IKBKB: variants seen among roughly 807,000 people sequenced by gnomAD.
The protein encoded by IKBKB is inhibitor of nuclear factor kappa B kinase subunit beta, also known as inhibitor of nuclear factor kappa-B kinase subunit beta.
A neutral mutation model predicts 113.6 loss-of-function variants in IKBKB; 42 were observed. The ratio of observed to expected loss-of-function variants is 0.37; its 90% CI spans 0.29 to 0.48. The LOEUF (loss-of-function observed/expected upper bound fraction) is 0.48. Ranked by LOEUF, IKBKB falls within the 20% of genes least tolerant of loss-of-function variation. The pLI is 0.99. For missense variants in IKBKB, 673 were observed against 939.7 expected (o/e 0.72, Z 3.71); for synonymous variants, 296 against 361.3 (o/e 0.82, Z 2.05).
chr8:42,287,373 C>G (rs942146624), intron 2 of IKBKB, among the ~76,000 whole-genome samples: 2 of 152,276 alleles, frequency 1.3e-5, no homozygotes, highest in African/African-American at 4.8e-5. Context: ...GCCTGTTACT[C>G]TGCAGAAAGT....
At chr8:42,271,887 G>A in intron 1 of IKBKB, 196 bp from the exon 2 acceptor site, 1 of 601,390 alleles carries the variant, frequency 1.7e-6, no homozygotes, top group Non-Finnish European at 2.8e-6. Flanking sequence ...ACCGGATGGG[G>A]GAGGGTGAGA....
intron 8 of IKBKB, among the ~76,000 whole-genome samples, chr8:42,312,431 A>G (rs1817893847): frequency 6.6e-6 from 1 of 152,228 alleles, no homozygotes; most frequent in African/African-American, 2.4e-5. Flanking sequence ...TCTGAAACCC[A>G]ATAAGGAGCT....
At chr8:42,286,050 A>T (rs980475345) in intron 2 of IKBKB, among the ~76,000 whole-genome samples, 1 of 152,130 alleles carries the variant, frequency 6.6e-6, no homozygotes, top group African/African-American at 2.4e-5. Context: ...ATTTAATTGG[A>T]TGAATTGTAT....
chr8:42,283,346 T>A (rs1423305018), intron 2 of IKBKB, among the ~76,000 whole-genome samples: 1 of 152,148 alleles, frequency 6.6e-6, no homozygotes, highest in Non-Finnish European at 1.5e-5. Flanking sequence ...CCTGAACCTA[T>A]GACTGGGTGG....
At chr8:42,289,636 G>A (rs541692478) in intron 3 of IKBKB, among the ~76,000 whole-genome samples, 17 of 152,198 alleles carry the variant, frequency 1.1e-4, no homozygotes, top group Non-Finnish European at 2.2e-4. Context: ...CTCTTAAAAA[G>A]AGGAGGTGCT....
At chr8:42,325,720 A>G (rs1218557352) in intron 19 of IKBKB, 2 of 1,267,244 alleles carry the variant, frequency 1.6e-6, no homozygotes, top group East Asian at 4.0e-5. Flanking sequence ...AAGCCTGCAA[A>G]TTAATGTAGG....
At chr8:42,303,679 G>C (rs930594131) in intron 5 of IKBKB, among the ~76,000 whole-genome samples, 1 of 151,954 alleles carries the variant, frequency 6.6e-6, no homozygotes, top group African/African-American at 2.4e-5. Context: ...TAATTTTTTT[G>C]TATTTTTAGT....
intron 2 of IKBKB, among the ~76,000 whole-genome samples, chr8:42,275,745 C>T (rs530672804): frequency 1.5e-4 from 23 of 152,282 alleles, no homozygotes; most frequent in South Asian, 4.1e-4. Flanking sequence ...CTGCAGTAAA[C>T]GTGAGGGTGC....
In IKBKB at chr8:42,331,727, C is replaced by G. The variant is rs971639392; in HGVS notation, c.*748C>G. On this transcript the variant is annotated 3_prime_UTR_variant, in exon 22 of 22. Transcript: ENST00000520810. ...AGGATGGGAGAGCAGCTGCCTTATT[C>G]TGAATCCCAAAAATTACTTGGGGGT... is the stretch of plus-strand genomic sequence containing the variant. 2.6e-6 allele frequency: 1 copy of G among 384,784 alleles called. No homozygotes were observed. The highest frequency in any genetic ancestry group is 4.8e-6 in the Non-Finnish European group (1 of 206,988). 23.8% of individuals were successfully genotyped at this position (384,784 alleles called of 1,614,324 possible).
intron 21 of IKBKB, chr8:42,329,415 C>T (rs192597172): frequency 2.1e-5 from 20 of 963,726 alleles, no homozygotes; most frequent in Admixed American, 5.3e-5. Flanking sequence ...CTCCGCTTCC[C>T]GGGTTCAAGT....
rs1821379444 is a variant in IKBKB, at chr8:42,329,360, T to A, written c.2205+146T>A. The A allele has an allele frequency of 4.8e-6, 6 of 1,246,378 alleles. No homozygotes were observed. The South Asian group carries it at 9.1e-5, about 19-fold the overall frequency. 77.2% of individuals were successfully genotyped at this position (1,246,378 alleles called of 1,614,324 possible). A position where few individuals can be genotyped will look rare whatever the true frequency, so the allele number is the denominator to read the frequency against. Reference sequence around the variant, plus strand: ...TTATTTGTGACAGGGTCTCTCTCTCTCACCCAGGCTGGAGTGCAGTGGCAT... The same window carrying A: ...TTATTTGTGACAGGGTCTCTCTCTCACACCCAGGCTGGAGTGCAGTGGCAT... On this transcript the variant is annotated intron_variant, in intron 21 of 21. Coordinates refer to ENST00000520810, the MANE Select transcript of IKBKB (RefSeq NM_001556.3).
Position 42,322,354 on chromosome 8 carries a change from G to A in IKBKB, c.1846G>A (p.Val616Met), listed in dbSNP as rs1430358424. ...CATGTTTATTCTTTGCAGTAAAACT[G>A]TGGTTTGCAAGCAGAAGGCGCTGGA... ...RVIYTQLSKTVVCKQKALELL... is the reference protein window; with the variant it reads ...RVIYTQLSKTMVCKQKALELL... The change falls in exon 19 of 22, where the codon GTG (valine) becomes ATG (methionine). Residue 616 changes from valine (V) to methionine (M), a missense_variant. Around this residue, in one of 2 missense-constraint regions of IKBKB, gnomAD observed 506 missense variants for 638.7 expected, o/e 0.79. Transcript: ENST00000520810. 1.9e-6 allele frequency: 3 copies of A among 1,613,650 alleles called. No homozygotes were observed. The African/African-American group carries it at 4.0e-5, about 22-fold the overall frequency.
Position 42,314,413 on chromosome 8 carries a change from C to G in IKBKB, c.784C>G (p.Pro262Ala). ...GAAGTTTTCAAGCTCTTTACCCTAC[C>G]CCAATAATCTTAACAGGTAAGGCAC... ...TVKFSSSLPY[P>A]NNLNSVLAER... The change falls in exon 9 of 22, where the codon CCC (proline) becomes GCC (alanine). Residue 262 changes from proline to alanine, a missense_variant. By Grantham distance (27) the Pro-to-Ala change is conservative. Coordinates refer to ENST00000520810, the MANE Select transcript of IKBKB (RefSeq NM_001556.3). 1 of 1,604,128 alleles carries G rather than the reference C, an allele frequency of 6.2e-7. No individual in the cohort carries two copies. The highest frequency in any genetic ancestry group is 8.5e-7 in the Non-Finnish European group (1 of 1,170,950).
intron 1 of IKBKB, 188 bp from the exon 2 acceptor site, chr8:42,271,895 A>G (rs1807833136): frequency 1.6e-6 from 1 of 628,262 alleles, no homozygotes. Flanking sequence ...GGGGAGGGTG[A>G]GAGGGACAAA....
At chr8:42,272,514 C>T in intron 2 of IKBKB, 1 of 417,616 alleles carries the variant, frequency 2.4e-6, no homozygotes, top group East Asian at 3.5e-5. Flanking sequence ...TGTTATAAAA[C>T]ATATAGAAAT....
Position 42,331,805 on chromosome 8 carries a change from A to C in IKBKB, c.*826A>C. The C allele has an allele frequency of 7.3e-6, 2 of 274,162 alleles. No individual in the cohort carries two copies. Among genetic ancestry groups the C allele is most frequent in the South Asian group, 8.0e-5 (2 of 24,880 alleles). The allele number at this position is 274,162 out of a possible 1,614,324, so 17.0% of individuals were successfully genotyped here. ...GTATCTGCTGACCACCAGCCTGCCTACCCATGCCCATGTCTCCATTCCTGC... is the reference window on the plus strand; with the variant it reads ...GTATCTGCTGACCACCAGCCTGCCTCCCCATGCCCATGTCTCCATTCCTGC... On this transcript the variant is annotated 3_prime_UTR_variant, in exon 22 of 22. Coordinates refer to ENST00000520810, the MANE Select transcript of IKBKB (RefSeq NM_001556.3).
intron 4 of IKBKB, 106 bp downstream of exon 4, chr8:42,290,379 G>T: frequency 1.3e-6 from 1 of 765,900 alleles, no homozygotes. Flanking sequence ...GAAGCTTGGG[G>T]AGCCCCAGTG....
intron 21 of IKBKB, 31 bp from the exon 22 acceptor site, chr8:42,330,883 T>C (rs781548230): frequency 6.2e-7 from 1 of 1,614,022 alleles, no homozygotes; most frequent in Non-Finnish European, 8.5e-7. Flanking sequence ...TTGGTGGCTG[T>C]TGTTTTTTTA....
intron 8 of IKBKB, chr8:42,309,562 C>T (rs1355600894): frequency 6.3e-6 from 2 of 319,408 alleles, no homozygotes; most frequent in Non-Finnish European, 1.2e-5. Context: ...CCAGACCAGC[C>T]TGGCCAACAT....
Sources: allele counts gnomAD v4.1 joint callset (sites outside exome capture counted in the v4.1 genomes callset), GRCh38; gene constraint gnomAD v4.1.1; regional missense constraint gnomAD v4.1.1; transcripts MANE v1.5; gene names NCBI Gene and HGNC (gene_info 2026-07-23, HGNC 2026-07-21).